The following PLBD2 variants were observed in gnomAD, a reference collection of about 807,000 sequenced individuals.
The protein encoded by PLBD2 is phospholipase B domain containing 2, also known as putative aminopeptidase PLBD2.
Under a neutral mutation model 68.3 loss-of-function variants are expected in PLBD2, and 51 were observed. The ratio of observed to expected loss-of-function variants is 0.75; its 90% CI spans 0.60 to 0.94. The LOEUF (loss-of-function observed/expected upper bound fraction) is 0.94. Among genes scored for constraint, PLBD2 ranks in the 40% least tolerant of loss-of-function variants. The probability of loss-of-function intolerance (pLI) is 0.00; values close to 1 mark genes in which losing one functional copy is unlikely to be tolerated. For synonymous variants in PLBD2, 314 were observed against 339.3 expected (o/e 0.93, Z 0.82); for missense variants, 729 against 792.2 (o/e 0.92, Z 0.96).
At position 113,372,620 on chromosome 12, in the gene PLBD2, C is replaced by T. The variant is rs766346535; in HGVS notation, c.385-29C>T. On this transcript the variant is annotated intron_variant, in intron 2 of 11. Transcript: ENST00000280800. The surrounding 1 kb of genome is among the most constrained non-coding windows in gnomAD (Gnocchi z 4.2). ...GGAAGAGAGCACCCCAGCTGCCCGCCCTTGCCTCGCCCACCCCCTACCCCA... is the reference window on the plus strand; with the variant it reads ...GGAAGAGAGCACCCCAGCTGCCCGCTCTTGCCTCGCCCACCCCCTACCCCA... 2.5e-6 allele frequency: 4 copies of T among 1,604,216 alleles called. No individual in the cohort carries two copies. The South Asian group carries it at 4.4e-5, about 18-fold the overall frequency.
At chr12:113,382,036 C>T (rs1957495852) in intron 6 of PLBD2, among the ~76,000 whole-genome samples, 1 of 152,042 alleles carries the variant, frequency 6.6e-6, no homozygotes, top group African/African-American at 2.4e-5. Flanking sequence ...TTTCCCAGGC[C>T]AGTCTCGAAC....
At chr12:113,365,307 C>A (rs1055654509) in intron 1 of PLBD2, among the ~76,000 whole-genome samples, 2 of 151,890 alleles carry the variant, frequency 1.3e-5, no homozygotes, top group African/African-American at 4.8e-5. Context: ...AAACCCATGT[C>A]ATACGGTTGT....
intron 6 of PLBD2, among the ~76,000 whole-genome samples, chr12:113,382,042 C>T (rs922660403): frequency 2.0e-5 from 3 of 152,068 alleles, no homozygotes; most frequent in African/African-American, 7.2e-5. Flanking sequence ...AGGCCAGTCT[C>T]GAACTCCTGG....
In PLBD2 at chr12:113,384,072, G is replaced by C; in HGVS notation, c.958-33G>C. ...CTGCCACTTGGTGGCAGCATGCCTA[G>C]GCTGTGCAGCAGCCCCCTTGACCTT... On this transcript the variant is annotated intron_variant, in intron 6 of 11. Coordinates refer to ENST00000280800, the MANE Select transcript of PLBD2 (RefSeq NM_173542.4). The surrounding 1 kb of genome is among the most constrained non-coding windows in gnomAD (Gnocchi z 4.2). The C allele has an allele frequency of 1.3e-6, 2 of 1,556,726 alleles. No homozygotes were observed. Among genetic ancestry groups the C allele is most frequent in the Non-Finnish European group, 1.7e-6 (2 of 1,146,978 alleles).
In PLBD2 at chr12:113,372,573, A is replaced by G; in HGVS notation, c.385-76A>G. On this transcript the variant is annotated intron_variant, in intron 2 of 11. Coordinates refer to ENST00000280800, the MANE Select transcript of PLBD2 (RefSeq NM_173542.4). The surrounding 1 kb of genome is among the most constrained non-coding windows in gnomAD (Gnocchi z 4.2). ...ACACCAGCAGCCTCCGCTCTGGGGC[A>G]GCCTGGGTGGGGGGCTCTCAGGGAA... 2.0e-6 allele frequency: 3 copies of G among 1,509,088 alleles called. No homozygotes were observed. Among genetic ancestry groups the G allele is most frequent in the Admixed American group, 3.6e-5 (2 of 55,924 alleles). 93.5% of individuals were successfully genotyped at this position (1,509,088 alleles called of 1,614,324 possible).
chr12:113,385,158 C>G, intron 8 of PLBD2, 54 bp from the exon 9 acceptor site: 1 of 1,584,768 alleles, frequency 6.3e-7, no homozygotes, highest in Admixed American at 1.7e-5. Context: ...AGGGCAGTGC[C>G]CACAGGAGCC....
chr12:113,383,254 C>T (rs1458562106), intron 6 of PLBD2, among the ~76,000 whole-genome samples: 3 of 152,034 alleles, frequency 2.0e-5, no homozygotes, highest in African/African-American at 7.2e-5. Context: ...TGCAACTTTT[C>T]CTGCAGAACT....
At position 113,387,035 on chromosome 12, in the gene PLBD2, T is replaced by C; in HGVS notation, c.1385T>C (p.Phe462Ser). The C allele has an allele frequency of 1.9e-6, 3 of 1,611,924 alleles. No homozygotes were observed. Among genetic ancestry groups the C allele is most frequent in the Non-Finnish European group, 2.5e-6 (3 of 1,179,150 alleles). ...SYDGSPRAQIFRRNQSLVQDM... is the reference protein window; with the variant it reads ...SYDGSPRAQISRRNQSLVQDM... ...GACGGGAGCCCCCGGGCCCAGATCTTCCGGCGGAACCAGTCACTGGTACAA... is the reference window on the plus strand; with the variant it reads ...GACGGGAGCCCCCGGGCCCAGATCTCCCGGCGGAACCAGTCACTGGTACAA... Residue 462 changes from phenylalanine (F) to serine (S), a missense_variant, in exon 10 of 12, where the codon TTC becomes TCC. By Grantham distance (155) the Phe-to-Ser change is radical (BLOSUM62 -2). Transcript: ENST00000280800.
At chr12:113,383,874 C>T (rs1301037477) in intron 6 of PLBD2, among the ~76,000 whole-genome samples, 1 of 151,540 alleles carries the variant, frequency 6.6e-6, no homozygotes, top group Non-Finnish European at 1.5e-5. Flanking sequence ...GGGCACGTGC[C>T]TGTAATCCTA....
At chr12:113,376,834 G>C (rs1957441799) in intron 5 of PLBD2, 1 of 152,196 alleles carries the variant, frequency 6.6e-6, no homozygotes, top group Admixed American at 6.6e-5. Flanking sequence ...GAAAAAAACA[G>C]TTTTACAGTC....
chr12:113,386,661 G>A (rs1957556285), intron 9 of PLBD2, among the ~76,000 whole-genome samples: 1 of 152,086 alleles, frequency 6.6e-6, no homozygotes, highest in African/African-American at 2.4e-5. Context: ...TGGGATTACA[G>A]GCACACACCA....
chr12:113,362,951 A>AT lies in PLBD2; in HGVS notation c.290+4077dup, dbSNP rs397850121. Among the ~76,000 whole-genome samples, 378 of 140,638 alleles carry AT rather than the reference A, an allele frequency of 2.7e-3. 1 individual carries two copies. The highest frequency in any genetic ancestry group is 0.014 in the Middle Eastern group (4 of 280). The allele number at this position is 140,638 out of a possible 152,430, so 92.3% of individuals were successfully genotyped here. Reference sequence around the variant, plus strand: ...AGGTGTGAGCCACTATACCCAGCTAATTTTTTTTTTTTTTTTGTAATTTTA... The same window carrying AT: ...AGGTGTGAGCCACTATACCCAGCTAATTTTTTTTTTTTTTTTTGTAATTTTA... On this transcript the variant is annotated intron_variant, in intron 1 of 11. Transcript: ENST00000280800.
Position 113,374,482 on chromosome 12 carries a change from G to T in PLBD2, c.552G>T (p.Leu184=). 6.3e-7 allele frequency: 1 copy of T among 1,596,950 alleles called. No individual in the cohort carries two copies. The highest frequency in any genetic ancestry group is 1.7e-5 in the Admixed American group (1 of 57,654). ...CCCGCCCCCTCCCCTAGGTGCGGCT[G>T]ACCCTCCTGCAGCTGAAAGGCCTGG... is the stretch of plus-strand genomic sequence containing the variant. ...PDSPYWHQVR[L]TLLQLKGLED... Residue 184 remains leucine (L), a synonymous_variant, in exon 4 of 12, where the codon CTG becomes CTT. Coordinates refer to ENST00000280800, the MANE Select transcript of PLBD2 (RefSeq NM_173542.4).
Position 113,372,512 on chromosome 12 carries a change from A to G in PLBD2, c.385-137A>G. 1 of 935,782 alleles carries G rather than the reference A, an allele frequency of 1.1e-6. No individual in the cohort carries two copies. Among genetic ancestry groups the G allele is most frequent in the Admixed American group, 2.3e-5 (1 of 43,294 alleles). The allele number at this position is 935,782 out of a possible 1,614,324, so 58.0% of individuals were successfully genotyped here. On this transcript the variant is annotated intron_variant, in intron 2 of 11. Transcript: ENST00000280800. This position sits in a 1 kb window ranked among gnomAD's most constrained non-coding sequence, Gnocchi z 4.2. The stretch of plus-strand genomic sequence containing the variant: ...GAGCTGGGCAGGGAGAGGAGCCTCC[A>G]GGGAGAGGACAGCATGAGCAAGGAC...
intron 6 of PLBD2, 22 bp downstream of exon 6, chr12:113,380,864 C>T: frequency 3.9e-6 from 6 of 1,543,544 alleles, no homozygotes; most frequent in Non-Finnish European, 5.3e-6. Context: ...TCTCATGTCT[C>T]CTCTGTTCCT....
intron 6 of PLBD2, among the ~76,000 whole-genome samples, chr12:113,381,799 A>G (rs747049085): frequency 6.6e-6 from 1 of 151,560 alleles, no homozygotes; most frequent in Admixed American, 6.6e-5. Flanking sequence ...TCTTCTCAGA[A>G]TAGTGTTTTA....
rs1451232742 is a variant in PLBD2, at chr12:113,372,856, C to G, written c.543+49C>G. 6.3e-7 allele frequency: 1 copy of G among 1,589,196 alleles called. No homozygotes were observed. ...TGGGAGGGGGCTTCCAGCTGGCCAG[C>G]CATCCTGTCTCCTGTTGTTCTGGCC... is the stretch of plus-strand genomic sequence containing the variant. On this transcript the variant is annotated intron_variant, in intron 3 of 11. Coordinates refer to ENST00000280800, the MANE Select transcript of PLBD2 (RefSeq NM_173542.4). This position sits in a 1 kb window ranked among gnomAD's most constrained non-coding sequence, Gnocchi z 4.2.
chr12:113,373,846 C>CCATA (rs1230353529), intron 3 of PLBD2, among the ~76,000 whole-genome samples: 1 of 149,708 alleles, frequency 6.7e-6, no homozygotes, highest in Non-Finnish European at 1.5e-5. Context: ...ATCCATCTAC[C>CCATA]CATACATACA....
intron 1 of PLBD2, among the ~76,000 whole-genome samples, chr12:113,367,284 T>C (rs563930486): frequency 1.1e-4 from 16 of 152,276 alleles, no homozygotes; most frequent in African/African-American, 3.9e-4. Context: ...AATTTAAAAA[T>C]TGGAAGCATG....
Sources: allele counts gnomAD v4.1 joint callset (sites outside exome capture counted in the v4.1 genomes callset), GRCh38; gene constraint gnomAD v4.1.1; non-coding constraint Gnocchi (gnomAD v3.1); transcripts MANE v1.5; gene names NCBI Gene and HGNC (gene_info 2026-07-23, HGNC 2026-07-21).